Variants in ACSL3 observed in about 807,000 individuals in gnomAD.
The protein encoded by ACSL3 is acyl-CoA synthetase long chain family member 3, also known as fatty acid CoA ligase Acsl3.
ACSL3 carries 34 observed loss-of-function variants against 84.7 expected under a neutral mutation model. The observed-to-expected ratio is 0.40, with a 90% CI of 0.31 to 0.53. The LOEUF (loss-of-function observed/expected upper bound fraction) is 0.53, where lower values mean the gene tolerates loss of function less well. Ranked by LOEUF, ACSL3 falls within the 20% of genes least tolerant of loss-of-function variation. ACSL3 has a pLI of 0.48. For missense variants in ACSL3, 680 were observed against 873.1 expected, an observed-to-expected ratio of 0.78 and a Z score of 2.79; for synonymous variants, 315 against 299.4, an observed-to-expected ratio of 1.05 and a Z score of -0.54.
intron 4 of ACSL3, among the ~76,000 whole-genome samples, chr2:222,914,927 T>C (rs1559294588): frequency 6.6e-6 from 1 of 152,264 alleles, no homozygotes; most frequent in South Asian, 2.1e-4. Flanking sequence ...TTTTTACATA[T>C]GTGGAAATCT....
At chr2:222,906,367 C>G (rs1434953316) in intron 3 of ACSL3, among the ~76,000 whole-genome samples, 2 of 152,206 alleles carry the variant, frequency 1.3e-5, no homozygotes, top group African/African-American at 4.8e-5. Flanking sequence ...CACCACCCAG[C>G]AACTATTCTT....
In ACSL3 at chr2:222,924,050, T is replaced by A. The variant is rs1412327369; in HGVS notation, c.1153-406T>A. ...GAGCAAAGAATGTGGTACTGTATAT[T>A]TTTATAAGATAAAGTTAGGACATTT... On this transcript the variant is annotated intron_variant, in intron 10 of 16. Coordinates refer to ENST00000357430, the MANE Select transcript of ACSL3 (RefSeq NM_004457.5). Among the ~76,000 whole-genome samples the A allele has an allele frequency of 1.3e-5, 2 of 152,198 alleles. 1 individual carries two copies. The highest frequency in any genetic ancestry group is 4.1e-4 in the South Asian group (2 of 4,832).
In ACSL3 at chr2:222,896,977, A is replaced by AC. The variant is rs1484293922; in HGVS notation, c.-147-3690dup. Among the ~76,000 whole-genome samples, 2 of 14,242 alleles carry AC rather than the reference A, an allele frequency of 1.4e-4. 1 individual carries two copies. Among genetic ancestry groups the AC allele is most frequent in the Non-Finnish European group, 2.0e-4 (2 of 9,768 alleles). The allele number at this position is 14,242 out of a possible 152,430, so 9.3% of individuals were successfully genotyped here. On this transcript the variant is annotated intron_variant, in intron 2 of 16. Coordinates refer to ENST00000357430, the MANE Select transcript of ACSL3 (RefSeq NM_004457.5). ...GGGCGGCTGGCCGGGCGGGGGGCTG[A>AC]CCCCCCCACCTCCCTCCTGGACGGG...
At chr2:222,894,340 A>G (rs1260113217) in intron 2 of ACSL3, among the ~76,000 whole-genome samples, 1 of 152,236 alleles carries the variant, frequency 6.6e-6, no homozygotes, top group Non-Finnish European at 1.5e-5. Flanking sequence ...GTGCTTGATC[A>G]TTCTGATTTA....
chr2:222,937,790 A>G (rs1171185088), intron 16 of ACSL3, among the ~76,000 whole-genome samples: 1 of 152,078 alleles, frequency 6.6e-6, no homozygotes, highest in East Asian at 1.9e-4. Flanking sequence ...TTTACATTTC[A>G]GGTCATTATT....
At chr2:222,873,523 G>A (rs576345234) in intron 1 of ACSL3, among the ~76,000 whole-genome samples, 30 of 152,268 alleles carry the variant, frequency 2.0e-4, no homozygotes, top group Admixed American at 3.3e-4. Flanking sequence ...AAGAATGTGT[G>A]TTTGATGAGA....
intron 11 of ACSL3, among the ~76,000 whole-genome samples, chr2:222,925,491 A>C (rs1696855377): frequency 6.6e-6 from 1 of 152,000 alleles, no homozygotes; most frequent in South Asian, 2.1e-4. Context: ...TACTTCAGGG[A>C]CTGAAGTAGG....
intron 16 of ACSL3, among the ~76,000 whole-genome samples, chr2:222,936,859 AAG>A (rs959061099): frequency 7.9e-5 from 12 of 151,262 alleles, no homozygotes; most frequent in East Asian, 1.9e-4. Flanking sequence ...AGAGCAAATG[AAG>A]AGAGAGAGAG....
intron 16 of ACSL3, 34 bp from the exon 17 acceptor site, chr2:222,941,463 C>CT (rs1697305271): frequency 6.7e-7 from 1 of 1,486,594 alleles, no homozygotes; most frequent in Middle Eastern, 1.8e-4. Context: ...ACTTAAATAC[C>CT]TTTTCTTCTT....
intron 16 of ACSL3, among the ~76,000 whole-genome samples, chr2:222,935,141 G>A (rs1697137986): frequency 1.3e-5 from 2 of 152,156 alleles, no homozygotes; most frequent in South Asian, 4.1e-4. Flanking sequence ...AAAAACATCT[G>A]TGTCTTTTGA....
At chr2:222,930,928 G>T in intron 14 of ACSL3, 116 bp downstream of exon 14, 4 of 933,454 alleles carry the variant, frequency 4.3e-6, no homozygotes, top group Middle Eastern at 3.0e-4. Context: ...TCTTAGTTTG[G>T]GTTGTTGCAT....
At chr2:222,916,621 G>C in intron 5 of ACSL3, 125 bp downstream of exon 5, 1 of 1,100,408 alleles carries the variant, frequency 9.1e-7, no homozygotes, top group Non-Finnish European at 1.2e-6. Flanking sequence ...GGAGAACTCT[G>C]TTGTGACTTG....
intron 3 of ACSL3, among the ~76,000 whole-genome samples, chr2:222,904,255 G>A (rs1407296987): frequency 6.7e-6 from 1 of 150,188 alleles, no homozygotes; most frequent in Non-Finnish European, 1.5e-5. Context: ...TGGGCAACAA[G>A]AGCGAAACTC....
chr2:222,935,477 G>C (rs1697147884), intron 16 of ACSL3, among the ~76,000 whole-genome samples: 1 of 152,054 alleles, frequency 6.6e-6, no homozygotes, highest in African/African-American at 2.4e-5. Context: ...TGAGTACCTG[G>C]GACTACAAGC....
At chr2:222,874,675 A>G (rs1316246766) in intron 1 of ACSL3, among the ~76,000 whole-genome samples, 2 of 137,864 alleles carry the variant, frequency 1.5e-5, no homozygotes, top group Admixed American at 1.4e-4. Context: ...ACCCTGTCTG[A>G]AAAAAAAAAA....
At chr2:222,868,365 G>A (rs146721810) in intron 1 of ACSL3, among the ~76,000 whole-genome samples, 27 of 152,234 alleles carry the variant, frequency 1.8e-4, no homozygotes, top group African/African-American at 5.1e-4. Context: ...AAATCTACCC[G>A]TAGATTGTTG....
intron 1 of ACSL3, among the ~76,000 whole-genome samples, chr2:222,869,188 G>A (rs1453188880): frequency 2.0e-5 from 3 of 152,152 alleles, no homozygotes; most frequent in Admixed American, 1.3e-4. Context: ...GTTCAGTGGA[G>A]AAGGAACCAT....
Position 222,902,807 on chromosome 2 carries a change from G to C in ACSL3, c.-41+2027G>C, listed in dbSNP as rs77420722. ...CTGCATGAGGCACAAATTCCTGGTG[G>C]CTCCACCCTAGGGCATTATTCAGAA... is the stretch of plus-strand genomic sequence containing the variant. On this transcript the variant is annotated intron_variant, in intron 3 of 16. Transcript: ENST00000357430. Among the ~76,000 whole-genome samples the C allele has an allele frequency of 3.8e-3, 584 of 152,348 alleles. 2 individuals carry two copies. The highest frequency in any genetic ancestry group is 0.02 in the Middle Eastern group (6 of 294).
chr2:222,907,802 G>C (rs1046404575), intron 3 of ACSL3, among the ~76,000 whole-genome samples: 2 of 151,160 alleles, frequency 1.3e-5, no homozygotes, highest in Non-Finnish European at 2.9e-5. Flanking sequence ...CCACACAATG[G>C]CTGTTCCCCT....
Sources: allele counts gnomAD v4.1 joint callset (sites outside exome capture counted in the v4.1 genomes callset), GRCh38; gene constraint gnomAD v4.1.1; transcripts MANE v1.5; gene names NCBI Gene and HGNC (gene_info 2026-07-23, HGNC 2026-07-21).